Variants in NIM1K observed in about 807,000 individuals in gnomAD.
The protein encoded by NIM1K is NIM1 serine/threonine protein kinase, also known as serine/threonine-protein kinase NIM1.
NIM1K carries 35 observed loss-of-function variants against 37.1 expected under a neutral mutation model. That is an observed-to-expected ratio of 0.94 (90% confidence interval 0.72 to 1.25). The LOEUF is 1.25. Ranked by LOEUF, NIM1K falls within the 50% of genes most tolerant of loss-of-function variation. NIM1K has a pLI of 0.00. For synonymous variants in NIM1K, 234 were observed against 206.6 expected (o/e 1.13, Z -1.14); for missense variants, 564 against 548.0 (o/e 1.03, Z -0.29).
intron 1 of NIM1K, among the ~76,000 whole-genome samples, chr5:43,223,195 A>G (rs544319533): frequency 6.6e-6 from 1 of 151,940 alleles, no homozygotes; most frequent in African/African-American, 2.4e-5. Context: ...GGAAATAACT[A>G]TATAGCACAC....
At chr5:43,204,081 G>GTT (rs70994605) in intron 1 of NIM1K, among the ~76,000 whole-genome samples, 14,304 of 85,336 alleles carry the variant, frequency 0.17, 3,090 homozygotes, top group Middle Eastern at 0.3. Context: ...AGTTCCAATG[G>GTT]TTTTTTTTTT....
At chr5:43,251,582 T>C (rs1404107868) in intron 2 of NIM1K, among the ~76,000 whole-genome samples, 1 of 152,222 alleles carries the variant, frequency 6.6e-6, no homozygotes, top group African/African-American at 2.4e-5. Context: ...GGGAATTCTA[T>C]GGACCCACAG....
chr5:43,196,358 G>A (rs916515793), intron 1 of NIM1K, among the ~76,000 whole-genome samples: 1 of 152,146 alleles, frequency 6.6e-6, no homozygotes, highest in Non-Finnish European at 1.5e-5. Flanking sequence ...GCTGGGCGCG[G>A]TGGCTTACGC....
rs528863895 is a variant in NIM1K, at chr5:43,235,625, G to A, written c.-694-9457G>A. Among the ~76,000 whole-genome samples the A allele has an allele frequency of 7.9e-5, 12 of 152,290 alleles. No homozygotes were observed. In the South Asian group the frequency reaches 1.9e-3, roughly 24 times the overall value. On this transcript the variant is annotated intron_variant, in intron 1 of 3. Coordinates refer to ENST00000326035, the MANE Select transcript of NIM1K (RefSeq NM_153361.4). ...ACAGCTTTGTCCACCTCTGAGGTTA[G>A]AGTCATAAGGAAAATGTCAATGACA...
At chr5:43,251,754 G>A (rs980806698) in intron 2 of NIM1K, among the ~76,000 whole-genome samples, 4 of 152,154 alleles carry the variant, frequency 2.6e-5, no homozygotes, top group Non-Finnish European at 4.4e-5. Context: ...GGTATATCAT[G>A]GCCAAAAATG....
At position 43,280,824 on chromosome 5, in the gene NIM1K, T is replaced by C. The variant is rs1753432854; in HGVS notation, c.*95T>C. The C allele has an allele frequency of 9.3e-6, 11 of 1,182,644 alleles. No individual in the cohort carries two copies. The highest frequency in any genetic ancestry group is 4.0e-4 in the Middle Eastern group (2 of 4,948). 73.3% of individuals were successfully genotyped at this position (1,182,644 alleles called of 1,614,324 possible). ...TGAGTGGAGACATTTTTGTAATTTT[T>C]AAATAAACTTAAATTTGAGATATGC... On this transcript the variant is annotated 3_prime_UTR_variant, in exon 4 of 4. Coordinates refer to ENST00000326035, the MANE Select transcript of NIM1K (RefSeq NM_153361.4).
At chr5:43,239,201 T>C (rs1011034941) in intron 1 of NIM1K, among the ~76,000 whole-genome samples, 2 of 147,204 alleles carry the variant, frequency 1.4e-5, no homozygotes, top group Admixed American at 1.4e-4. Flanking sequence ...CAAAAATGTA[T>C]TGACATTTCT....
At position 43,233,188 on chromosome 5, in the gene NIM1K, G is replaced by T; in HGVS notation, c.-694-11894G>T. On this transcript the variant is annotated intron_variant, in intron 1 of 3. Coordinates refer to ENST00000326035, the MANE Select transcript of NIM1K (RefSeq NM_153361.4). ...CGGTCACGCATGATTACTGCTTCAC[G>T]GCTGCCGAGGCGATGGTGGAGACAA... is the stretch of plus-strand genomic sequence containing the variant. 4 of 1,138,640 alleles carry T rather than the reference G, an allele frequency of 3.5e-6. No individual in the cohort carries two copies. In the East Asian group the frequency reaches 7.2e-5, roughly 21 times the overall value. The allele number at this position is 1,138,640 out of a possible 1,614,324, so 70.5% of individuals were successfully genotyped here.
rs190719329 is a variant in NIM1K at position 43,265,716 on chromosome 5, T to C, written c.293-11341T>C. ...GAAGAGGCACTCTGATTCTTAGAATTTTCAGCTTTTCTGCTCTGGTTTCTC... is the reference window on the plus strand; with the variant it reads ...GAAGAGGCACTCTGATTCTTAGAATCTTCAGCTTTTCTGCTCTGGTTTCTC... On this transcript the variant is annotated intron_variant, in intron 2 of 3. Coordinates refer to ENST00000326035, the MANE Select transcript of NIM1K (RefSeq NM_153361.4). Among the ~76,000 whole-genome samples the C allele has an allele frequency of 9.8e-5, 15 of 152,368 alleles. No homozygotes were observed. In the South Asian group the frequency reaches 1.0e-3, roughly 11 times the overall value.
chr5:43,258,886 A>T (rs1396450846), intron 2 of NIM1K, among the ~76,000 whole-genome samples: 1 of 152,140 alleles, frequency 6.6e-6, no homozygotes, highest in African/African-American at 2.4e-5. Flanking sequence ...AGTAGTGTAC[A>T]TTGTACCCAA....
At position 43,235,644 on chromosome 5, in the gene NIM1K, A is replaced by G. The variant is rs142297255; in HGVS notation, c.-694-9438A>G. ...AGGTTAGAGTCATAAGGAAAATGTCAATGACAAAAATGTATTCAGTAAGGA... is the reference window on the plus strand; with the variant it reads ...AGGTTAGAGTCATAAGGAAAATGTCGATGACAAAAATGTATTCAGTAAGGA... On this transcript the variant is annotated intron_variant, in intron 1 of 3. Transcript: ENST00000326035. Among the ~76,000 whole-genome samples the G allele has an allele frequency of 7.2e-3, 1,096 of 152,342 alleles. 10 individuals are homozygous for G. Among genetic ancestry groups the G allele is most frequent in the African/African-American group, 0.025 (1,052 of 41,572 alleles).
At chr5:43,270,060 C>T (rs919594307) in intron 2 of NIM1K, among the ~76,000 whole-genome samples, 6 of 152,132 alleles carry the variant, frequency 3.9e-5, no homozygotes, top group Non-Finnish European at 8.8e-5. Flanking sequence ...TTACAAATTC[C>T]TTCATCATTT....
intron 3 of NIM1K, among the ~76,000 whole-genome samples, chr5:43,278,013 T>A (rs1029328117): frequency 6.8e-6 from 1 of 148,088 alleles, no homozygotes; most frequent in East Asian, 2.0e-4. Flanking sequence ...TCCCTTCCTT[T>A]CTTTTCCTTC....
chr5:43,222,416 C>A (rs1752393211), intron 1 of NIM1K, among the ~76,000 whole-genome samples: 1 of 152,058 alleles, frequency 6.6e-6, no homozygotes, highest in Admixed American at 6.6e-5. Flanking sequence ...CATTCATTCA[C>A]CCCTGAAACA....
intron 2 of NIM1K, among the ~76,000 whole-genome samples, chr5:43,251,335 G>A (rs1409286688): frequency 6.6e-6 from 1 of 152,198 alleles, no homozygotes; most frequent in African/African-American, 2.4e-5. Flanking sequence ...AAGGAGAGCT[G>A]AAATGGGAAT....
intron 1 of NIM1K, among the ~76,000 whole-genome samples, chr5:43,219,413 A>G (rs1318219954): frequency 1.3e-5 from 2 of 152,062 alleles, no homozygotes; most frequent in Non-Finnish European, 2.9e-5. Flanking sequence ...AATTCTAAAA[A>G]TTTTATTTGT....
At chr5:43,216,943 T>TA (rs1752308285) in intron 1 of NIM1K, among the ~76,000 whole-genome samples, 1 of 152,248 alleles carries the variant, frequency 6.6e-6, no homozygotes, top group Non-Finnish European at 1.5e-5. Context: ...TGTGACATTT[T>TA]AATTCCTTTA....
Position 43,259,561 on chromosome 5 carries a change from TTG to T in NIM1K, c.292+13495_292+13496del, listed in dbSNP as rs1214061411. Among the ~76,000 whole-genome samples, 6 of 152,372 alleles carry T rather than the reference TTG, an allele frequency of 3.9e-5. No individual in the cohort carries two copies. The East Asian group carries it at 9.6e-4, about 24-fold the overall frequency. On this transcript the variant is annotated intron_variant, in intron 2 of 3. Transcript: ENST00000326035. ...TGTAGAGTGTTTTTCCATATGTTTG[TTG>T]GCCATTTGTATGTCTTCTTTTGAGA...
chr5:43,211,245 G>A (rs1752200153), intron 1 of NIM1K, among the ~76,000 whole-genome samples: 1 of 152,078 alleles, frequency 6.6e-6, no homozygotes, highest in Non-Finnish European at 1.5e-5. Context: ...TATGGGAGGG[G>A]GGTGGAAAGG....
Sources: gnomAD v4.1 joint callset for allele counts (sites outside exome capture counted in the v4.1 genomes callset) on GRCh38, gnomAD v4.1.1 for gene constraint, MANE v1.5 for transcripts, NCBI Gene and HGNC (gene_info 2026-07-23, HGNC 2026-07-21) for gene names.